Variants in PID1 observed in about 807,000 individuals in gnomAD.
PID1 encodes the protein PTB-containing, cubilin and LRP1-interacting protein.
PID1 carries 10 observed loss-of-function variants against 19.1 expected under a neutral mutation model. That is an observed-to-expected ratio of 0.52 (90% CI 0.32 to 0.89). The LOEUF is 0.89. Among genes scored for constraint, PID1 ranks in the 40% least tolerant of loss-of-function variants. The pLI, the probability that PID1 is intolerant of heterozygous loss-of-function variation, is 0.03. For synonymous variants in PID1, 130 were observed against 116.0 expected (o/e 1.12, Z -0.78); for missense variants, 248 against 285.3 (o/e 0.87, Z 0.94).
chr2:229,092,890 T>C (rs990667647), intron 2 of PID1, among the ~76,000 whole-genome samples: 2 of 152,306 alleles, frequency 1.3e-5, no homozygotes, highest in Middle Eastern at 3.4e-3. Flanking sequence ...AGTCTACAAA[T>C]CATGTTTAAA....
rs143634810 is a variant in PID1 at position 229,088,187 on chromosome 2, T to C, written c.178-62079A>G. On this transcript the variant is annotated intron_variant, in intron 2 of 2. Transcript: ENST00000392055. ...AAGAGTATAAAGATTCTTGATGAAA[T>C]AGGTGAGTCCTTATGAACGGACAGG... Among the ~76,000 whole-genome samples the C allele has an allele frequency of 1.4e-4, 22 of 152,308 alleles. No individual in the cohort carries two copies. The East Asian group carries it at 3.9e-3, about 27-fold the overall frequency.
chr2:229,154,391 C>A (rs1690322614), intron 2 of PID1, among the ~76,000 whole-genome samples: 1 of 152,092 alleles, frequency 6.6e-6, no homozygotes, highest in Non-Finnish European at 1.5e-5. Flanking sequence ...ATTCTTTCGC[C>A]TGAAAGATTC....
At chr2:229,242,989 T>A (rs1317517816) in intron 1 of PID1, among the ~76,000 whole-genome samples, 2 of 152,118 alleles carry the variant, frequency 1.3e-5, no homozygotes, top group Non-Finnish European at 2.9e-5. Context: ...TGCCTATTCA[T>A]CCTTATATTA....
chr2:229,149,032 AAT>A (rs71793691), intron 2 of PID1, among the ~76,000 whole-genome samples: 5,484 of 147,078 alleles, frequency 0.037, 300 homozygotes, highest in African/African-American at 0.13. Flanking sequence ...GCTTGAATCT[AAT>A]ATATATATAT....
intron 1 of PID1, among the ~76,000 whole-genome samples, chr2:229,213,873 C>T (rs560770479): frequency 1.3e-5 from 2 of 152,310 alleles, no homozygotes; most frequent in East Asian, 3.9e-4. Context: ...CAATCAAATA[C>T]CACAAACAAC....
chr2:229,032,937 G>A (rs976784261), intron 2 of PID1, among the ~76,000 whole-genome samples: 4 of 152,120 alleles, frequency 2.6e-5, no homozygotes, highest in African/African-American at 4.8e-5. Flanking sequence ...TAACAGCGTC[G>A]GATCAGGAGA....
At chr2:229,047,702 A>C (rs1043034092) in intron 2 of PID1, among the ~76,000 whole-genome samples, 1 of 152,220 alleles carries the variant, frequency 6.6e-6, no homozygotes, top group Non-Finnish European at 1.5e-5. Flanking sequence ...ATTATACACC[A>C]GTTTAGGAAA....
At chr2:229,196,985 G>A (rs988889) in intron 1 of PID1, among the ~76,000 whole-genome samples, 109,389 of 151,960 alleles carry the variant, frequency 0.72, 39,654 homozygotes, top group East Asian at 0.89. Context: ...AAGTAAGACA[G>A]TATCAACTGT....
chr2:229,181,330 T>C (rs1475867753), intron 1 of PID1, among the ~76,000 whole-genome samples: 1 of 151,972 alleles, frequency 6.6e-6, no homozygotes, highest in Non-Finnish European at 1.5e-5. Context: ...AGCAAGAGTC[T>C]ACTTTGGTTG....
At chr2:229,183,486 C>G (rs1690990923) in intron 1 of PID1, among the ~76,000 whole-genome samples, 1 of 152,186 alleles carries the variant, frequency 6.6e-6, no homozygotes. Flanking sequence ...AATTGGTAGA[C>G]TGAGTAAAGC....
intron 2 of PID1, among the ~76,000 whole-genome samples, chr2:229,100,313 G>T (rs1474326456): frequency 6.6e-6 from 1 of 152,144 alleles, no homozygotes; most frequent in Non-Finnish European, 1.5e-5. Flanking sequence ...TTTATAGTAA[G>T]ATTATATACA....
At chr2:229,030,383 T>A (rs1693521163) in intron 2 of PID1, among the ~76,000 whole-genome samples, 2 of 152,202 alleles carry the variant, frequency 1.3e-5, no homozygotes, top group Non-Finnish European at 2.9e-5. Context: ...ATCACTGAAC[T>A]GTGCACTTAA....
chr2:229,163,646 A>AGTGTGTGTGTGTGT (rs781261716), intron 1 of PID1, among the ~76,000 whole-genome samples: 6 of 136,810 alleles, frequency 4.4e-5, no homozygotes, highest in Non-Finnish European at 9.7e-5. Context: ...AGGGAGAGAG[A>AGTGTGTGTGTGTGT]GAGAGTGTGT....
At chr2:229,268,856 G>A (rs1270843329) in intron 1 of PID1, among the ~76,000 whole-genome samples, 1 of 152,150 alleles carries the variant, frequency 6.6e-6, no homozygotes, top group African/African-American at 2.4e-5. Flanking sequence ...ACAGCAAACA[G>A]AGATTGTGAC....
intron 2 of PID1, among the ~76,000 whole-genome samples, chr2:229,071,023 T>C (rs559252215): frequency 6.6e-6 from 1 of 152,344 alleles, no homozygotes; most frequent in East Asian, 1.9e-4. Context: ...TTAGATTATA[T>C]CCCATAAAGT....
At chr2:229,198,751 A>T (rs1015677158) in intron 1 of PID1, among the ~76,000 whole-genome samples, 1 of 152,044 alleles carries the variant, frequency 6.6e-6, no homozygotes, top group African/African-American at 2.4e-5. Context: ...TATTCAAAAC[A>T]TATTGCAAAT....
At chr2:229,110,523 G>A (rs1359893370) in intron 2 of PID1, among the ~76,000 whole-genome samples, 1 of 152,266 alleles carries the variant, frequency 6.6e-6, no homozygotes, top group Admixed American at 6.5e-5. Context: ...TATGGGGGCC[G>A]AGATTGCATG....
intron 1 of PID1, among the ~76,000 whole-genome samples, chr2:229,257,637 A>T (rs1213549682): frequency 1.3e-5 from 2 of 152,116 alleles, no homozygotes; most frequent in African/African-American, 4.8e-5. Context: ...TCGTTTCCTT[A>T]CCTATTTATT....
At chr2:229,225,206 C>T (rs757572942) in intron 1 of PID1, among the ~76,000 whole-genome samples, 1 of 152,116 alleles carries the variant, frequency 6.6e-6, no homozygotes, top group Non-Finnish European at 1.5e-5. Flanking sequence ...TGCATAACTT[C>T]CCTGAGCTTC....
Sources: allele counts gnomAD v4.1 joint callset (sites outside exome capture counted in the v4.1 genomes callset), GRCh38; gene constraint gnomAD v4.1.1; transcripts MANE v1.5; gene names NCBI Gene and HGNC (gene_info 2026-07-23, HGNC 2026-07-21).